Variants in JAKMIP2 observed in about 807,000 individuals in gnomAD.
JAKMIP2 encodes the protein janus kinase and microtubule interacting protein 2, also known as janus kinase and microtubule-interacting protein 2.
In JAKMIP2, 25 loss-of-function variants were observed where a neutral mutation model predicts 115.0. The observed-to-expected ratio is 0.22, with a 90% CI of 0.16 to 0.30. JAKMIP2 has a LOEUF of 0.30. Ranked by LOEUF, JAKMIP2 falls within the 10% of genes least tolerant of loss-of-function variation. The probability of loss-of-function intolerance (pLI) is 1.00; values close to 1 mark genes in which losing one functional copy is unlikely to be tolerated. For synonymous variants in JAKMIP2, 334 were observed against 343.6 expected (o/e 0.97, Z 0.31); for missense variants, 642 against 957.6 (o/e 0.67, Z 4.35).
chr5:147,691,519 T>G (rs1751858819), intron 1 of JAKMIP2, among the ~76,000 whole-genome samples: 1 of 152,226 alleles, frequency 6.6e-6, no homozygotes, highest in Non-Finnish European at 1.5e-5. Flanking sequence ...TCACCTCACC[T>G]TTTATATGAA....
At chr5:147,728,093 G>A (rs889002793) in intron 1 of JAKMIP2, among the ~76,000 whole-genome samples, 1 of 152,054 alleles carries the variant, frequency 6.6e-6, no homozygotes, top group Non-Finnish European at 1.5e-5. Context: ...ACTTTTTAGG[G>A]GTATCAGAAA....
chr5:147,706,797 CT>C (rs1239792512), intron 1 of JAKMIP2, among the ~76,000 whole-genome samples: 1 of 151,946 alleles, frequency 6.6e-6, no homozygotes, highest in African/African-American at 2.4e-5. Flanking sequence ...GTTCCAAAAT[CT>C]GAAAAAAATC....
chr5:147,781,868 C>T (rs1015363815), intron 1 of JAKMIP2, among the ~76,000 whole-genome samples: 55 of 152,050 alleles, frequency 3.6e-4, no homozygotes, highest in African/African-American at 1.3e-3. Flanking sequence ...ATCTGTATAT[C>T]CATAAGATAT....
At chr5:147,702,693 GAAAAGAAAAGAAAAA>G (rs1580806499) in intron 1 of JAKMIP2, among the ~76,000 whole-genome samples, 1 of 139,562 alleles carries the variant, frequency 7.2e-6, no homozygotes, top group African/African-American at 2.9e-5. Context: ...AGAAAGAAAA[GAAAAGAAAAGAAAAA>G]AAAAGAGCAG....
chr5:147,771,758 T>C lies in JAKMIP2; in HGVS notation c.-149+10698A>G, dbSNP rs79850299. ...AATTGTTACATGCATTAATATTCCA[T>C]TTATATTTGGCCCTTTATCCTTTTA... is the stretch of plus-strand genomic sequence containing the variant. On this transcript the variant is annotated intron_variant, in intron 1 of 21. Transcript: ENST00000616793. Among the ~76,000 whole-genome samples the C allele has an allele frequency of 8.5e-3, 1,298 of 152,196 alleles. 57 individuals are homozygous for C. In the East Asian group the frequency reaches 0.11, roughly 13 times the overall value.
intron 1 of JAKMIP2, among the ~76,000 whole-genome samples, chr5:147,755,358 T>C (rs1028576394): frequency 1.4e-4 from 22 of 152,128 alleles, no homozygotes; most frequent in African/African-American, 5.1e-4. Context: ...CCTGTCTCCC[T>C]AAAATGAATA....
intron 1 of JAKMIP2, among the ~76,000 whole-genome samples, chr5:147,681,067 CA>C (rs1760241593): frequency 6.6e-6 from 1 of 152,048 alleles, no homozygotes; most frequent in Non-Finnish European, 1.5e-5. Flanking sequence ...TATTTAATGT[CA>C]ATACACTGTT....
At chr5:147,749,089 A>G (rs1754457974) in intron 1 of JAKMIP2, among the ~76,000 whole-genome samples, 1 of 152,208 alleles carries the variant, frequency 6.6e-6, no homozygotes, top group Non-Finnish European at 1.5e-5. Context: ...AAAAAGGTTG[A>G]AAACATGTCC....
intron 1 of JAKMIP2, among the ~76,000 whole-genome samples, chr5:147,677,822 T>C (rs1489544042): frequency 6.6e-6 from 1 of 152,238 alleles, no homozygotes; most frequent in Non-Finnish European, 1.5e-5. Context: ...ACTTTTTTTG[T>C]GGTGAGAACA....
chr5:147,686,977 T>C (rs1020915008), intron 1 of JAKMIP2, among the ~76,000 whole-genome samples: 3 of 152,154 alleles, frequency 2.0e-5, no homozygotes, highest in African/African-American at 7.2e-5. Context: ...TTATATATCT[T>C]AAAATCTCAG....
At chr5:147,652,935 C>T (rs1401963177) in intron 3 of JAKMIP2, among the ~76,000 whole-genome samples, 2 of 152,100 alleles carry the variant, frequency 1.3e-5, no homozygotes, top group Non-Finnish European at 2.9e-5. Context: ...TCAACTCCCA[C>T]TTATGAGCGG....
intron 1 of JAKMIP2, among the ~76,000 whole-genome samples, chr5:147,753,739 C>A (rs1200700686): frequency 6.6e-6 from 1 of 152,082 alleles, no homozygotes; most frequent in Non-Finnish European, 1.5e-5. Context: ...GGTAGAAAAG[C>A]TAATCTACCC....
chr5:147,601,410 G>A (rs1026169013), intron 21 of JAKMIP2, among the ~76,000 whole-genome samples: 1 of 152,048 alleles, frequency 6.6e-6, no homozygotes, highest in Non-Finnish European at 1.5e-5. Context: ...GGGCAACAAA[G>A]TGAGACCTTG....
intron 20 of JAKMIP2, among the ~76,000 whole-genome samples, chr5:147,611,968 C>T (rs1191705162): frequency 2.0e-5 from 3 of 151,542 alleles, no homozygotes; most frequent in Non-Finnish European, 4.4e-5. Flanking sequence ...AACAAAGGTG[C>T]TAAAAGATTT....
intron 2 of JAKMIP2, among the ~76,000 whole-genome samples, chr5:147,668,089 T>C (rs1172736409): frequency 6.6e-6 from 1 of 152,178 alleles, no homozygotes; most frequent in East Asian, 1.9e-4. Context: ...CTGATGGTTG[T>C]GAGGCTCGAT....
intron 1 of JAKMIP2, among the ~76,000 whole-genome samples, chr5:147,780,019 A>T (rs986873600): frequency 6.6e-6 from 1 of 152,194 alleles, no homozygotes; most frequent in Non-Finnish European, 1.5e-5. Flanking sequence ...AGCAATAAGC[A>T]ATGTCCTGTG....
At chr5:147,631,017 A>G (rs1757326722) in intron 14 of JAKMIP2, among the ~76,000 whole-genome samples, 1 of 152,162 alleles carries the variant, frequency 6.6e-6, no homozygotes, top group African/African-American at 2.4e-5. Context: ...CAATTCCATA[A>G]TTATGAATTC....
Position 147,641,833 on chromosome 5 carries a change from C to CAG in JAKMIP2, c.1225-71_1225-70dup, listed in dbSNP as rs1757894936. 3 of 1,292,080 alleles carry CAG rather than the reference C, an allele frequency of 2.3e-6. No individual in the cohort carries two copies. The South Asian group carries it at 3.6e-5, about 15-fold the overall frequency. The allele number at this position is 1,292,080 out of a possible 1,614,324, so 80.0% of individuals were successfully genotyped here. A position where few individuals can be genotyped will look rare whatever the true frequency, so the allele number is the denominator to read the frequency against. ...GTTTCTTTATAGTTTTTTGCAAAGACAGAGTGTTCTTTCCCATAAGGCATT... is the reference window on the plus strand; with the variant it reads ...GTTTCTTTATAGTTTTTTGCAAAGACAGAGAGTGTTCTTTCCCATAAGGCATT... On this transcript the variant is annotated intron_variant, in intron 7 of 21. Coordinates refer to ENST00000616793, the MANE Select transcript of JAKMIP2 (RefSeq NM_001270941.2).
At chr5:147,680,890 C>A (rs1485414254) in intron 1 of JAKMIP2, among the ~76,000 whole-genome samples, 1 of 152,072 alleles carries the variant, frequency 6.6e-6, no homozygotes, top group East Asian at 1.9e-4. Flanking sequence ...CATTACATGT[C>A]AGTTAGAGAA....
Sources: allele counts gnomAD v4.1 joint callset (sites outside exome capture counted in the v4.1 genomes callset), GRCh38; gene constraint gnomAD v4.1.1; transcripts MANE v1.5; gene names NCBI Gene and HGNC (gene_info 2026-07-23, HGNC 2026-07-21).